Variants in ITPRIP observed in about 807,000 individuals in gnomAD.
ITPRIP encodes the protein inositol 1,4,5-trisphosphate receptor interacting protein.
ITPRIP carries 32 observed loss-of-function variants against 35.8 expected under a neutral mutation model. The observed-to-expected ratio is 0.89, with a 90% CI of 0.68 to 1.20. The LOEUF is 1.20. ITPRIP is among the 50% of genes most tolerant of loss of function. The probability of loss-of-function intolerance (pLI) is 0.00; values close to 1 mark genes in which losing one functional copy is unlikely to be tolerated. For synonymous variants in ITPRIP, 358 were observed against 324.0 expected, an observed-to-expected ratio of 1.11 and a Z score of -1.13; for missense variants, 653 against 735.6, an observed-to-expected ratio of 0.89 and a Z score of 1.30.
At chr10:104,321,534 G>A (rs2013844610) in intron 1 of ITPRIP, among the ~76,000 whole-genome samples, 1 of 152,008 alleles carries the variant, frequency 6.6e-6, no homozygotes, top group Admixed American at 6.6e-5. Flanking sequence ...TCCTTCACTG[G>A]GGTCCCTCAC....
rs770522824 is a variant in ITPRIP at position 104,314,830 on chromosome 10, A to G, written c.1222T>C (p.Cys408Arg). ...ALPEGACHLS[C>R]LQIASFLLSK... The stretch of plus-strand genomic sequence containing the variant: ...AGCAGGAAGGATGCTATCTGCAGGC[A>G]GCTGAGGTGGCAGGCGCCCTCGGGC... The change falls in exon 2 of 2, where the codon TGC becomes CGC. Residue 408 changes from cysteine to arginine, a missense_variant. Coordinates refer to ENST00000337478, the MANE Select transcript of ITPRIP (RefSeq NM_001272013.2). The G allele has an allele frequency of 6.2e-7, 1 of 1,613,932 alleles. No homozygotes were observed. The highest frequency in any genetic ancestry group is 8.5e-7 in the Non-Finnish European group (1 of 1,180,026).
Position 104,315,555 on chromosome 10 carries a change from C to A in ITPRIP, c.497G>T (p.Gly166Val), listed in dbSNP as rs770748557. The change falls in exon 2 of 2, where the codon GGC (glycine) becomes GTC (valine). Residue 166 changes from glycine to valine, a missense_variant. Physicochemically the swap from Gly to Val is moderately radical, Grantham distance 109. Coordinates refer to ENST00000337478, the MANE Select transcript of ITPRIP (RefSeq NM_001272013.2). The surrounding 1 kb of genome is among the most constrained non-coding windows in gnomAD (Gnocchi z 5.7). ...DAARTREFLEGFVDDLLEALR... is the reference protein window; with the variant it reads ...DAARTREFLEVFVDDLLEALR... ...GGCTTCCAGCAAGTCATCCACGAAG[C>A]CTTCCAGGAACTCCCGGGTACGGGC... The A allele has an allele frequency of 4.3e-6, 7 of 1,614,188 alleles. No individual in the cohort carries two copies. In the East Asian group the frequency reaches 1.3e-4, roughly 31 times the overall value.
chr10:104,324,796 C>G (rs1052147153), intron 1 of ITPRIP, among the ~76,000 whole-genome samples: 1 of 152,224 alleles, frequency 6.6e-6, no homozygotes, highest in Non-Finnish European at 1.5e-5. Flanking sequence ...CGAGTCCCCA[C>G]GCCACACATT....
rs945558689 is a variant in ITPRIP, at chr10:104,309,829, G to A, written c.*4579C>T. The A allele has an allele frequency of 6.6e-6, 1 of 152,144 alleles. No individual in the cohort carries two copies. The highest frequency in any genetic ancestry group is 6.5e-5 in the Admixed American group (1 of 15,278). 9.4% of individuals were successfully genotyped at this position (152,144 alleles called of 1,614,324 possible). A position where few individuals can be genotyped will look rare whatever the true frequency, so the allele number is the denominator to read the frequency against. ...TCATATTGGTTATCTCTGGGGAGTG[G>A]ACTAAGAAGTCAGAAGTGGGACCGT... is the stretch of plus-strand genomic sequence containing the variant. On this transcript the variant is annotated 3_prime_UTR_variant, in exon 2 of 2. Transcript: ENST00000337478.
rs1166625733 is a variant in ITPRIP at position 104,315,682 on chromosome 10, G to A, written c.370C>T (p.Pro124Ser). 1.9e-6 allele frequency: 3 copies of A among 1,613,004 alleles called. No individual in the cohort carries two copies. Among genetic ancestry groups the A allele is most frequent in the Non-Finnish European group, 1.7e-6 (2 of 1,179,960 alleles). The change falls in exon 2 of 2, where the codon CCT becomes TCT. Residue 124 changes from proline (P) to serine (S), a missense_variant. Pro to Ser is a moderately conservative substitution (Grantham distance 74). Coordinates refer to ENST00000337478, the MANE Select transcript of ITPRIP (RefSeq NM_001272013.2). This position sits in a 1 kb window ranked among gnomAD's most constrained non-coding sequence, Gnocchi z 5.7. Reference protein sequence around the residue: ...ECLGGEEDELPGLGGAPLQGL... With the variant: ...ECLGGEEDELSGLGGAPLQGL... ...TGCAAGGGGGCGCCCCCCAGCCCAG[G>A]CAGCTCATCCTCCTCACCGCCCAGG...
At position 104,328,189 on chromosome 10, in the gene ITPRIP, T is replaced by C. The variant is rs2014070309; in HGVS notation, c.-14+10057A>G. On this transcript the variant is annotated intron_variant, in intron 1 of 1. Transcript: ENST00000337478. This position sits in a 1 kb window ranked among gnomAD's most constrained non-coding sequence, Gnocchi z 4.1. ...TCTCCCTCAGCCTCCAGGATTCCCA[T>C]CTCCGGTTTCTATGCGTGAATCACA... 3 of 981,554 alleles carry C rather than the reference T, an allele frequency of 3.1e-6. No homozygotes were observed. Among genetic ancestry groups the C allele is most frequent in the South Asian group, 9.4e-5 (2 of 21,212 alleles). 60.8% of individuals were successfully genotyped at this position (981,554 alleles called of 1,614,324 possible). A position where few individuals can be genotyped will look rare whatever the true frequency, so the allele number is the denominator to read the frequency against.
At chr10:104,334,773 C>T (rs181345335) in intron 1 of ITPRIP, among the ~76,000 whole-genome samples, 153 of 152,330 alleles carry the variant, frequency 1.0e-3, no homozygotes, top group Non-Finnish European at 1.9e-3. Context: ...CCACCCTCAC[C>T]CCATGCTGCT....
At chr10:104,334,119 C>T (rs2014199161) in intron 1 of ITPRIP, among the ~76,000 whole-genome samples, 1 of 152,214 alleles carries the variant, frequency 6.6e-6, no homozygotes, top group Admixed American at 6.5e-5. Context: ...ACTTCAAAGC[C>T]CGTGCAGTCA....
Position 104,312,453 on chromosome 10 carries a change from A to T in ITPRIP, c.*1955T>A, listed in dbSNP as rs750736934. 49 of 209,300 alleles carry T rather than the reference A, an allele frequency of 2.3e-4. No homozygotes were observed. The highest frequency in any genetic ancestry group is 8.5e-4 in the Admixed American group (13 of 15,374). The allele number at this position is 209,300 out of a possible 1,614,324, so 13.0% of individuals were successfully genotyped here. On this transcript the variant is annotated 3_prime_UTR_variant, in exon 2 of 2. Coordinates refer to ENST00000337478, the MANE Select transcript of ITPRIP (RefSeq NM_001272013.2). ...GGGGAAAGGCATGGGCCATAAATAAATAAGGAAATTTGCCCCGATTCTACA... is the reference window on the plus strand; with the variant it reads ...GGGGAAAGGCATGGGCCATAAATAATTAAGGAAATTTGCCCCGATTCTACA...
chr10:104,336,388 A>G (rs11192010), intron 1 of ITPRIP, among the ~76,000 whole-genome samples: 2,581 of 151,510 alleles, frequency 0.017, 70 homozygotes, highest in African/African-American at 0.059. Context: ...AAAGCCCCAC[A>G]GGCTGCCGTG....
chr10:104,328,269 G>A lies in ITPRIP; in HGVS notation c.-14+9977C>T. 1 of 985,402 alleles carries A rather than the reference G, an allele frequency of 1.0e-6. No homozygotes were observed. Among genetic ancestry groups the A allele is most frequent in the Non-Finnish European group, 1.2e-6 (1 of 829,946 alleles). The allele number at this position is 985,402 out of a possible 1,614,324, so 61.0% of individuals were successfully genotyped here. On this transcript the variant is annotated intron_variant, in intron 1 of 1. Transcript: ENST00000337478. The surrounding 1 kb of genome is among the most constrained non-coding windows in gnomAD (Gnocchi z 4.1). Reference sequence around the variant, plus strand: ...GTTGTCCTACATTGGCTTGGTCTGGGCTCGTATTCCTCCGAATTTCCCCTA... The same window carrying A: ...GTTGTCCTACATTGGCTTGGTCTGGACTCGTATTCCTCCGAATTTCCCCTA...
In ITPRIP at chr10:104,313,206, G is replaced by GA. The variant is rs1162632788; in HGVS notation, c.*1201dup. ...CATGCACACCCTGCCCTAGGATTGG[G>GA]ACCCTGAGGACAACCTGGGGCTATG... On this transcript the variant is annotated 3_prime_UTR_variant, in exon 2 of 2. Coordinates refer to ENST00000337478, the MANE Select transcript of ITPRIP (RefSeq NM_001272013.2). The GA allele has an allele frequency of 2.0e-5, 20 of 985,444 alleles. No individual in the cohort carries two copies. Among genetic ancestry groups the GA allele is most frequent in the Non-Finnish European group, 1.9e-5 (16 of 830,038 alleles). The allele number at this position is 985,444 out of a possible 1,614,324, so 61.0% of individuals were successfully genotyped here. A position where few individuals can be genotyped will look rare whatever the true frequency, so the allele number is the denominator to read the frequency against.
chr10:104,320,289 C>T (rs1268153711), intron 1 of ITPRIP, among the ~76,000 whole-genome samples: 1 of 152,178 alleles, frequency 6.6e-6, no homozygotes, highest in Non-Finnish European at 1.5e-5. Flanking sequence ...CTCTGAAACT[C>T]GCTTCCTGGG....
At position 104,315,723 on chromosome 10, in the gene ITPRIP, C is replaced by G; in HGVS notation, c.329G>C (p.Gly110Ala). Reference sequence around the variant, plus strand: ...ACCGCCCAGGCACTCAGGTGAGGGCCCCTCCTGGTGGTCCTGCCGCCACAC... The same window carrying G: ...ACCGCCCAGGCACTCAGGTGAGGGCGCCTCCTGGTGGTCCTGCCGCCACAC... ...IEVWRQDHQE[G>A]PSPECLGGEE... The change falls in exon 2 of 2, where the codon GGG becomes GCG. Residue 110 changes from glycine (G) to alanine (A), a missense_variant. Physicochemically the swap from Gly to Ala is moderately conservative, Grantham distance 60. Transcript: ENST00000337478. The surrounding 1 kb of genome is among the most constrained non-coding windows in gnomAD (Gnocchi z 5.7). The G allele has an allele frequency of 6.2e-7, 1 of 1,613,700 alleles. No homozygotes were observed. Among genetic ancestry groups the G allele is most frequent in the Non-Finnish European group, 8.5e-7 (1 of 1,179,994 alleles).
At chr10:104,331,426 C>T (rs898836086) in intron 1 of ITPRIP, among the ~76,000 whole-genome samples, 3 of 152,192 alleles carry the variant, frequency 2.0e-5, no homozygotes, top group African/African-American at 7.2e-5. Context: ...CATGGTTTTG[C>T]ACTAGCGGGC....
At chr10:104,332,868 T>C (rs1024542751) in intron 1 of ITPRIP, among the ~76,000 whole-genome samples, 18 of 152,220 alleles carry the variant, frequency 1.2e-4, no homozygotes, top group African/African-American at 3.9e-4. Context: ...CTATCTCCAG[T>C]TGGTCCTGCC....
In ITPRIP at chr10:104,311,835, G is replaced by C. The variant is rs894563347; in HGVS notation, c.*2573C>G. The C allele has an allele frequency of 5.3e-5, 8 of 152,180 alleles. No homozygotes were observed. Among genetic ancestry groups the C allele is most frequent in the African/African-American group, 1.7e-4 (7 of 41,446 alleles). 9.4% of individuals were successfully genotyped at this position (152,180 alleles called of 1,614,324 possible). On this transcript the variant is annotated 3_prime_UTR_variant, in exon 2 of 2. Coordinates refer to ENST00000337478, the MANE Select transcript of ITPRIP (RefSeq NM_001272013.2). ...TTTAAAACCCAAAAGCTTCCTGTTA[G>C]TTCCAGCTCCTATATTTCTCGCTGA...
chr10:104,317,730 C>T (rs2013727243), intron 1 of ITPRIP, among the ~76,000 whole-genome samples: 1 of 152,210 alleles, frequency 6.6e-6, no homozygotes, highest in Admixed American at 6.5e-5. Context: ...GCCCCATTCC[C>T]TTTGGCTTGA....
chr10:104,330,177 C>T (rs2014119502), intron 1 of ITPRIP, among the ~76,000 whole-genome samples: 1 of 152,200 alleles, frequency 6.6e-6, no homozygotes, highest in African/African-American at 2.4e-5. Context: ...ATAATGAATG[C>T]TTGCTGAATA....
Sources: gnomAD v4.1 joint callset for allele counts (sites outside exome capture counted in the v4.1 genomes callset) on GRCh38, gnomAD v4.1.1 for gene constraint, Gnocchi (gnomAD v3.1) non-coding constraint, MANE v1.5 for transcripts, NCBI Gene and HGNC (gene_info 2026-07-23, HGNC 2026-07-21) for gene names.